SV2C: variants seen among roughly 807,000 people sequenced by gnomAD.
SV2C encodes solute carrier family 22 member B3.
A neutral mutation model predicts 79.7 loss-of-function variants in SV2C; 49 were observed. The observed-to-expected ratio is 0.61, with a 90% confidence interval of 0.49 to 0.78. SV2C has a LOEUF of 0.78. Ranked by LOEUF, SV2C falls within the 30% of genes least tolerant of loss-of-function variation. SV2C has a pLI of 0.00. For missense variants in SV2C, 833 were observed against 912.9 expected (o/e 0.91, Z 1.13); for synonymous variants, 334 against 333.2 (o/e 1.00, Z -0.03).
At chr5:76,172,004 C>A (rs1743295249) in intron 2 of SV2C, among the ~76,000 whole-genome samples, 2 of 127,384 alleles carry the variant, frequency 1.6e-5, no homozygotes, top group African/African-American at 5.8e-5. Context: ...CAGCCCTCCG[C>A]CCGGCCAGCC....
chr5:75,905,102 A>T, the SV2C span, among the ~76,000 whole-genome samples: 1 of 152,206 alleles, frequency 6.6e-6, no homozygotes, highest in Non-Finnish European at 1.5e-5. Flanking sequence ...CTGCCATATT[A>T]TATTATGATC....
intron 2 of SV2C, among the ~76,000 whole-genome samples, chr5:76,143,927 A>G (rs1749339916): frequency 6.6e-6 from 1 of 152,220 alleles, no homozygotes; most frequent in African/African-American, 2.4e-5. Context: ...AAATTTGAAG[A>G]AGAGAAAAAC....
the SV2C span, among the ~76,000 whole-genome samples, chr5:75,891,681 A>C: frequency 6.6e-6 from 1 of 152,144 alleles, no homozygotes; most frequent in East Asian, 1.9e-4. Flanking sequence ...TACCTCTGCA[A>C]TTTAAAATCC....
At chr5:76,313,621 G>A (rs973967841) in intron 12 of SV2C, among the ~76,000 whole-genome samples, 1 of 152,182 alleles carries the variant, frequency 6.6e-6, no homozygotes, top group Admixed American at 6.5e-5. Flanking sequence ...CCATGTGCTT[G>A]ATATGCTGAC....
intron 1 of SV2C, among the ~76,000 whole-genome samples, chr5:76,090,678 T>C (rs973529428): frequency 1.3e-5 from 2 of 152,216 alleles, no homozygotes; most frequent in African/African-American, 4.8e-5. Flanking sequence ...CTTAAAGTTC[T>C]AGTTCTGCCT....
At chr5:76,303,330 C>G (rs1748073826) in intron 12 of SV2C, among the ~76,000 whole-genome samples, 1 of 152,214 alleles carries the variant, frequency 6.6e-6, no homozygotes, top group South Asian at 2.1e-4. Flanking sequence ...ATTGAGCTTT[C>G]TTTCATCAAC....
At chr5:76,206,680 A>C (rs764452296) in intron 3 of SV2C, among the ~76,000 whole-genome samples, 2 of 152,202 alleles carry the variant, frequency 1.3e-5, no homozygotes, top group Non-Finnish European at 2.9e-5. Context: ...GCACATGTCC[A>C]CTGGGCCAGT....
At chr5:76,067,236 A>G in the SV2C span, among the ~76,000 whole-genome samples, 2 of 151,676 alleles carry the variant, frequency 1.3e-5, no homozygotes, top group Non-Finnish European at 2.9e-5. Flanking sequence ...TTGTCCATTT[A>G]CTTACTGAGG....
chr5:76,276,485 G>T (rs1209011160), intron 4 of SV2C, among the ~76,000 whole-genome samples: 3 of 152,160 alleles, frequency 2.0e-5, no homozygotes, highest in Non-Finnish European at 2.9e-5. Flanking sequence ...ACAGGCATGT[G>T]CCTGGCTAAC....
rs533623732 is a variant in SV2C at position 76,212,454 on chromosome 5, T to C, written c.913+2567T>C. Among the ~76,000 whole-genome samples the C allele has an allele frequency of 2.7e-3, 404 of 150,800 alleles. 3 individuals carry two copies. The highest frequency in any genetic ancestry group is 9.3e-3 in the African/African-American group (383 of 41,220). ...AGCAGCTGAAGTGCTTTTTTTTCTC[T>C]CTCTCTCTCTTTTTCTTTTTTTTTT... On this transcript the variant is annotated intron_variant, in intron 4 of 12. Coordinates refer to ENST00000502798, the MANE Select transcript of SV2C (RefSeq NM_014979.4).
Position 76,131,692 on chromosome 5 carries a change from C to A in SV2C, c.-59C>A. 1 of 1,448,404 alleles carries A rather than the reference C, an allele frequency of 6.9e-7. No individual in the cohort carries two copies. Among genetic ancestry groups the A allele is most frequent in the Non-Finnish European group, 9.4e-7 (1 of 1,064,900 alleles). The allele number at this position is 1,448,404 out of a possible 1,614,324, so 89.7% of individuals were successfully genotyped here. A position where few individuals can be genotyped will look rare whatever the true frequency, so the allele number is the denominator to read the frequency against. On this transcript the variant is annotated 5_prime_UTR_variant, in exon 2 of 13. Transcript: ENST00000502798. ...AGTGGATGATGCTGTCAGAGCTGAACCACTGAAAGGAGGCTGTGAAAATTT... is the reference window on the plus strand; with the variant it reads ...AGTGGATGATGCTGTCAGAGCTGAAACACTGAAAGGAGGCTGTGAAAATTT...
At chr5:75,860,922 C>A in the SV2C span, among the ~76,000 whole-genome samples, 1 of 152,066 alleles carries the variant, frequency 6.6e-6, no homozygotes, top group Non-Finnish European at 1.5e-5. Flanking sequence ...TTTCACTATA[C>A]GCAAAAATTA....
chr5:76,060,456 C>A, the SV2C span, among the ~76,000 whole-genome samples: 3 of 152,090 alleles, frequency 2.0e-5, no homozygotes, highest in African/African-American at 7.2e-5. Context: ...GTAAGTGCAG[C>A]GTCATCTTTC....
At chr5:76,280,644 C>T (rs1299709912) in intron 4 of SV2C, among the ~76,000 whole-genome samples, 2 of 152,246 alleles carry the variant, frequency 1.3e-5, no homozygotes, top group East Asian at 1.9e-4. Context: ...GAGCCTGCCC[C>T]GGCGGCCTCG....
intron 4 of SV2C, among the ~76,000 whole-genome samples, chr5:76,232,000 G>A (rs915613037): frequency 6.9e-6 from 1 of 144,040 alleles, no homozygotes; most frequent in Non-Finnish European, 1.5e-5. Context: ...CTAGATCCCT[G>A]AGGAATCGTC....
the SV2C span, among the ~76,000 whole-genome samples, chr5:75,995,886 A>G: frequency 6.6e-6 from 1 of 152,178 alleles, no homozygotes; most frequent in South Asian, 2.1e-4. Context: ...ATATAAAATC[A>G]TCTATAACTT....
In SV2C at chr5:76,311,765, C is replaced by T. The variant is rs574290138; in HGVS notation, c.2000+10220C>T. On this transcript the variant is annotated intron_variant, in intron 12 of 12. Coordinates refer to ENST00000502798, the MANE Select transcript of SV2C (RefSeq NM_014979.4). ...GCCGTAAATCTGAAAGGAGCCCCAA[C>T]CATCTAACATACTGGTGTGGGGGAG... is the stretch of plus-strand genomic sequence containing the variant. Among the ~76,000 whole-genome samples, 95 of 152,296 alleles carry T rather than the reference C, an allele frequency of 6.2e-4. 1 individual carries two copies. In the South Asian group the frequency reaches 0.018, roughly 28 times the overall value.
At chr5:76,257,058 T>C (rs903629973) in intron 4 of SV2C, among the ~76,000 whole-genome samples, 9 of 152,320 alleles carry the variant, frequency 5.9e-5, no homozygotes, top group Admixed American at 5.9e-4. Flanking sequence ...TGTCAGACTC[T>C]AGGCATTTGC....
chr5:76,132,656 T>C (rs1325682357), intron 2 of SV2C, among the ~76,000 whole-genome samples: 1 of 152,192 alleles, frequency 6.6e-6, no homozygotes, highest in Non-Finnish European at 1.5e-5. Context: ...GGTTTCTCCT[T>C]TATTAAATTC....
Sources: gnomAD v4.1 joint callset for allele counts (sites outside exome capture counted in the v4.1 genomes callset) on GRCh38, gnomAD v4.1.1 for gene constraint, MANE v1.5 for transcripts, NCBI Gene and HGNC (gene_info 2026-07-23, HGNC 2026-07-21) for gene names.